NAALADL2: variants seen among roughly 807,000 people sequenced by gnomAD.
NAALADL2 encodes the protein inactive N-acetylated-alpha-linked acidic dipeptidase-like protein 2.
NAALADL2 carries 76 observed loss-of-function variants against 87.2 expected under a neutral mutation model. The observed-to-expected ratio is 0.87, with a 90% confidence interval of 0.72 to 1.05. NAALADL2 has a LOEUF of 1.05. NAALADL2 is among the 50% of genes least tolerant of loss of function. The probability of loss-of-function intolerance (pLI) is 0.00; values close to 1 mark genes in which losing one functional copy is unlikely to be tolerated. For missense variants in NAALADL2, 1,089 were observed against 945.8 expected, an observed-to-expected ratio of 1.15 and a Z score of -1.99; for synonymous variants, 354 against 331.0, an observed-to-expected ratio of 1.07 and a Z score of -0.75.
intron 2 of NAALADL2, among the ~76,000 whole-genome samples, chr3:175,177,601 G>T (rs1243612326): frequency 1.3e-5 from 2 of 151,938 alleles, no homozygotes; most frequent in Non-Finnish European, 2.9e-5. Context: ...ACTAATTATT[G>T]TTACAAACCA....
rs1743760729 is a variant in NAALADL2 at position 174,972,084 on chromosome 3, C to T, written c.43+112634C>T. On this transcript the variant is annotated intron_variant, in intron 1 of 13. Coordinates refer to ENST00000454872, the MANE Select transcript of NAALADL2 (RefSeq NM_207015.3). ...CATGAACACCCTACCTCATTGGTCACAGTCACCGCCCCTCCATATTTTCTT... is the reference window on the plus strand; with the variant it reads ...CATGAACACCCTACCTCATTGGTCATAGTCACCGCCCCTCCATATTTTCTT... Among the ~76,000 whole-genome samples the T allele has an allele frequency of 7.9e-5, 12 of 152,132 alleles. 1 individual carries two copies. The highest frequency in any genetic ancestry group is 7.9e-4 in the Admixed American group (12 of 15,258).
At chr3:175,202,896 G>A (rs116713296) in intron 2 of NAALADL2, among the ~76,000 whole-genome samples, 54 of 152,064 alleles carry the variant, frequency 3.6e-4, no homozygotes, top group Non-Finnish European at 6.0e-4. Flanking sequence ...TCAGGGAAGT[G>A]GGGGAAGGGT....
At chr3:174,693,872 A>G (rs555850761) in intron 2 of NAALADL2, among the ~76,000 whole-genome samples, 1 of 152,238 alleles carries the variant, frequency 6.6e-6, no homozygotes, top group Admixed American at 6.5e-5. Context: ...AGAAAGAGGC[A>G]CTCATATCCA....
At chr3:175,505,421 G>A in intron 9 of NAALADL2, among the ~76,000 whole-genome samples, 1 of 152,032 alleles carries the variant, frequency 6.6e-6, no homozygotes, top group South Asian at 2.1e-4. Flanking sequence ...TCAACCCACA[G>A]TCCATAAAGA....
intron 5 of NAALADL2, among the ~76,000 whole-genome samples, chr3:175,350,086 C>T (rs911829372): frequency 6.7e-6 from 1 of 149,168 alleles, no homozygotes; most frequent in African/African-American, 2.5e-5. Flanking sequence ...CTTAATAGTC[C>T]TTAATTAAGT....
In NAALADL2 at chr3:175,779,124, A is replaced by G. The variant is rs567375423; in HGVS notation, c.2189+23706A>G. On this transcript the variant is annotated intron_variant, in intron 13 of 13. Transcript: ENST00000454872. ...GAAGATAAGATTGGCTTGTTAGTTC[A>G]ACAAGATTTATTTGTGTAGATTTTT... Among the ~76,000 whole-genome samples the G allele has an allele frequency of 1.1e-3, 168 of 152,314 alleles. 1 individual carries two copies. Among genetic ancestry groups the G allele is most frequent in the African/African-American group, 4.0e-3 (166 of 41,570 alleles).
chr3:175,648,492 CTTT>C (rs530477119), intron 11 of NAALADL2, among the ~76,000 whole-genome samples: 3 of 127,750 alleles, frequency 2.3e-5, no homozygotes, highest in Non-Finnish European at 1.7e-5. Flanking sequence ...AGACAATTTT[CTTT>C]TTTTTTTTTT....
At chr3:174,824,759 T>C (rs773514420) in intron 3 of NAALADL2, among the ~76,000 whole-genome samples, 2 of 152,216 alleles carry the variant, frequency 1.3e-5, no homozygotes. Flanking sequence ...ACATTCATTA[T>C]GTCTGTGCTT....
chr3:174,842,579 A>AT (rs1188317124), intron 3 of NAALADL2, among the ~76,000 whole-genome samples: 10 of 152,290 alleles, frequency 6.6e-5, no homozygotes, highest in East Asian at 5.8e-4. Flanking sequence ...GCACACTCTA[A>AT]TTACAAGATT....
intron 1 of NAALADL2, among the ~76,000 whole-genome samples, chr3:174,549,222 T>A (rs1357796956): frequency 6.6e-6 from 1 of 152,264 alleles, no homozygotes; most frequent in Non-Finnish European, 1.5e-5. Context: ...GACATGTTTT[T>A]AAAACATTTG....
At chr3:175,139,161 T>A (rs1729616872) in intron 2 of NAALADL2, among the ~76,000 whole-genome samples, 1 of 151,738 alleles carries the variant, frequency 6.6e-6, no homozygotes, top group South Asian at 2.1e-4. Flanking sequence ...TAAGCAAATA[T>A]TTTGATTAAA....
At chr3:175,482,061 T>A (rs1261325318) in intron 9 of NAALADL2, among the ~76,000 whole-genome samples, 1 of 90,332 alleles carries the variant, frequency 1.1e-5, no homozygotes, top group African/African-American at 2.8e-5. Flanking sequence ...ACAGTACTAT[T>A]GGGAAAAAAA....
rs961717756 is a variant in NAALADL2 at position 175,147,473 on chromosome 3, T to G, written c.545+50182T>G. Among the ~76,000 whole-genome samples the G allele has an allele frequency of 2.6e-5, 4 of 152,178 alleles. No individual in the cohort carries two copies. The East Asian group carries it at 7.7e-4, about 29-fold the overall frequency. On this transcript the variant is annotated intron_variant, in intron 2 of 13. Transcript: ENST00000454872. ...CCATGACATATTATGTACCACATTT[T>G]CTTCATCCAGTCTACCACGGATGGG...
chr3:175,277,004 A>G (rs544290464), intron 4 of NAALADL2, among the ~76,000 whole-genome samples: 1 of 152,234 alleles, frequency 6.6e-6, no homozygotes, highest in East Asian at 1.9e-4. Context: ...AAACACTGAT[A>G]ATTGAACAAA....
chr3:174,911,207 C>A (rs1397771679), intron 1 of NAALADL2, among the ~76,000 whole-genome samples: 1 of 152,066 alleles, frequency 6.6e-6, no homozygotes, highest in Admixed American at 6.6e-5. Flanking sequence ...GGCAATAGAA[C>A]ACATAGGTCC....
At chr3:175,685,336 A>G (rs1032658615) in intron 11 of NAALADL2, among the ~76,000 whole-genome samples, 1 of 152,116 alleles carries the variant, frequency 6.6e-6, no homozygotes, top group Non-Finnish European at 1.5e-5. Context: ...TGTGTATTTT[A>G]GACACATAAA....
intron 3 of NAALADL2, among the ~76,000 whole-genome samples, chr3:174,811,796 A>G (rs1720242590): frequency 6.6e-6 from 1 of 152,184 alleles, no homozygotes; most frequent in Non-Finnish European, 1.5e-5. Flanking sequence ...GTCCCCACCC[A>G]AACTTCATGT....
chr3:175,088,630 A>G lies in NAALADL2; in HGVS notation c.44-8160A>G, dbSNP rs945791399. ...AAAGATATTTAAAAATTAAACCAAT[A>G]AAGTACCTTTGAAACATCTGACAAA... On this transcript the variant is annotated intron_variant, in intron 1 of 13. Coordinates refer to ENST00000454872, the MANE Select transcript of NAALADL2 (RefSeq NM_207015.3). Among the ~76,000 whole-genome samples the G allele has an allele frequency of 3.3e-5, 5 of 152,374 alleles. No individual in the cohort carries two copies. In the East Asian group the frequency reaches 7.7e-4, roughly 23 times the overall value.
chr3:174,839,615 C>T (rs1723773521), intron 3 of NAALADL2, among the ~76,000 whole-genome samples: 1 of 151,888 alleles, frequency 6.6e-6, no homozygotes, highest in South Asian at 2.1e-4. Flanking sequence ...AACTAATATC[C>T]AGAATCTATA....
Sources: gnomAD v4.1 joint callset for allele counts (sites outside exome capture counted in the v4.1 genomes callset) on GRCh38, gnomAD v4.1.1 for gene constraint, MANE v1.5 for transcripts, NCBI Gene and HGNC (gene_info 2026-07-23, HGNC 2026-07-21) for gene names.